Variants in HCN1 observed in about 807,000 individuals in gnomAD.
The protein encoded by HCN1 is potassium/sodium hyperpolarization-activated cyclic nucleotide-gated channel 1.
HCN1 carries 13 observed loss-of-function variants against 78.9 expected under a neutral mutation model. The ratio of observed to expected loss-of-function variants is 0.16; its 90% CI spans 0.11 to 0.26. HCN1 has a LOEUF of 0.26. Ranked by LOEUF, HCN1 falls within the 10% of genes least tolerant of loss-of-function variation. HCN1 has a pLI of 1.00. For missense variants in HCN1, 810 were observed against 1,154.3 expected (o/e 0.70, Z 4.32); for synonymous variants, 552 against 455.5 (o/e 1.21, Z -2.70).
chr5:45,672,094 C>T (rs1350336086), intron 1 of HCN1, among the ~76,000 whole-genome samples: 1 of 151,506 alleles, frequency 6.6e-6, no homozygotes, highest in Non-Finnish European at 1.5e-5. Flanking sequence ...AATTATTCAA[C>T]ACTGCACCTA....
intron 1 of HCN1, among the ~76,000 whole-genome samples, chr5:45,683,027 C>T (rs1739734648): frequency 6.6e-6 from 1 of 151,946 alleles, no homozygotes; most frequent in African/African-American, 2.4e-5. Context: ...TCTTTAGTGT[C>T]ATATGGTGGC....
At chr5:45,314,226 G>T (rs1023605031) in intron 5 of HCN1, among the ~76,000 whole-genome samples, 3 of 152,246 alleles carry the variant, frequency 2.0e-5, no homozygotes, top group East Asian at 1.9e-4. Flanking sequence ...CTTAAAGAAA[G>T]AATTTTCAAC....
intron 2 of HCN1, among the ~76,000 whole-genome samples, chr5:45,487,414 A>T (rs1421413517): frequency 6.6e-6 from 1 of 152,056 alleles, no homozygotes; most frequent in African/African-American, 2.4e-5. Context: ...TTGTACATTT[A>T]AAAGGTTAGT....
chr5:45,645,029 C>T (rs1280512837), intron 2 of HCN1, 156 bp downstream of exon 2: 1 of 601,994 alleles, frequency 1.7e-6, no homozygotes, highest in African/African-American at 1.9e-5. Flanking sequence ...TTTAGGGATA[C>T]AAATATATCA....
chr5:45,406,083 A>G (rs934959325), intron 3 of HCN1, among the ~76,000 whole-genome samples: 1 of 152,108 alleles, frequency 6.6e-6, no homozygotes, highest in African/African-American at 2.4e-5. Flanking sequence ...TCAATGCATT[A>G]TTTTAAATTT....
At chr5:45,612,447 C>A (rs1211726326) in intron 2 of HCN1, among the ~76,000 whole-genome samples, 7 of 152,074 alleles carry the variant, frequency 4.6e-5, no homozygotes, top group Non-Finnish European at 1.0e-4. Flanking sequence ...ATAATGACAG[C>A]CAACACATAC....
intron 5 of HCN1, among the ~76,000 whole-genome samples, chr5:45,351,464 G>C (rs1746901673): frequency 9.1e-6 from 1 of 109,700 alleles, no homozygotes; most frequent in Non-Finnish European, 1.7e-5. Flanking sequence ...ACATAGGCGT[G>C]GGCAAGGACT....
chr5:45,267,508 G>A (rs969219155), intron 6 of HCN1, among the ~76,000 whole-genome samples: 22 of 150,902 alleles, frequency 1.5e-4, no homozygotes, highest in Non-Finnish European at 5.9e-5. Flanking sequence ...AGTGGCTCAC[G>A]CCTGTAATCC....
intron 2 of HCN1, among the ~76,000 whole-genome samples, chr5:45,560,959 A>G (rs1243137876): frequency 6.6e-6 from 1 of 152,146 alleles, no homozygotes; most frequent in Non-Finnish European, 1.5e-5. Context: ...CTGCTAAACT[A>G]ATATCAAATT....
At chr5:45,691,967 G>T (rs943409533) in intron 1 of HCN1, among the ~76,000 whole-genome samples, 6 of 152,040 alleles carry the variant, frequency 3.9e-5, no homozygotes, top group Non-Finnish European at 7.4e-5. Context: ...ATGATGAAAA[G>T]AAATTGAAAA....
chr5:45,291,524 A>G (rs1471096674), intron 6 of HCN1, among the ~76,000 whole-genome samples: 3 of 151,996 alleles, frequency 2.0e-5, no homozygotes, highest in Admixed American at 2.0e-4. Context: ...AGATTGTTAC[A>G]TGACTAGCTT....
chr5:45,667,713 CAACT>C (rs1330540916), intron 1 of HCN1, among the ~76,000 whole-genome samples: 2 of 151,966 alleles, frequency 1.3e-5, no homozygotes, highest in African/African-American at 2.4e-5. Flanking sequence ...CGAATAAACA[CAACT>C]AACATTAGTA....
chr5:45,352,022 A>G lies in HCN1; in HGVS notation c.1377+1078T>C, dbSNP rs182280931. 6.0e-3 allele frequency among the ~76,000 whole-genome samples: 907 copies of G among 152,314 alleles called. 1 individual carries two copies. Among genetic ancestry groups the G allele is most frequent in the Non-Finnish European group, 9.9e-3 (676 of 68,038 alleles). On this transcript the variant is annotated intron_variant, in intron 5 of 7. Transcript: ENST00000303230. ...TACCATTTGACCCAGCCATCCCATT[A>G]CTGGGTAATACCCAAAGGACTATAA...
At chr5:45,637,063 AATC>A (rs1745371075) in intron 2 of HCN1, among the ~76,000 whole-genome samples, 2 of 152,172 alleles carry the variant, frequency 1.3e-5, no homozygotes, top group African/African-American at 4.8e-5. Context: ...TTGGACAGAA[AATC>A]ATCAATATCC....
chr5:45,573,091 CTTGTT>C (rs1743866427), intron 2 of HCN1, among the ~76,000 whole-genome samples: 2 of 152,048 alleles, frequency 1.3e-5, no homozygotes. Flanking sequence ...TAGAAACTTA[CTTGTT>C]TTAAGAAATT....
chr5:45,571,082 G>A (rs1185166659), intron 2 of HCN1, among the ~76,000 whole-genome samples: 1 of 151,988 alleles, frequency 6.6e-6, no homozygotes, highest in Non-Finnish European at 1.5e-5. Context: ...TGTCTACATT[G>A]GTTTAATTAA....
chr5:45,371,720 T>C (rs1747365129), intron 4 of HCN1, among the ~76,000 whole-genome samples: 1 of 146,922 alleles, frequency 6.8e-6, no homozygotes, highest in South Asian at 2.1e-4. Context: ...TAGCACCATT[T>C]CACTCCAGCC....
chr5:45,331,376 C>T (rs1746341112), intron 5 of HCN1, among the ~76,000 whole-genome samples: 1 of 151,194 alleles, frequency 6.6e-6, no homozygotes, highest in African/African-American at 2.4e-5. Flanking sequence ...ATAAAATACA[C>T]TTATTTTCCC....
intron 2 of HCN1, among the ~76,000 whole-genome samples, chr5:45,599,120 T>G (rs1456982833): frequency 6.6e-6 from 1 of 152,142 alleles, no homozygotes; most frequent in East Asian, 1.9e-4. Context: ...GTATGTTTAT[T>G]GCGGGACTAT....
Sources: allele counts gnomAD v4.1 joint callset (sites outside exome capture counted in the v4.1 genomes callset), GRCh38; gene constraint gnomAD v4.1.1; transcripts MANE v1.5; gene names NCBI Gene and HGNC (gene_info 2026-07-23, HGNC 2026-07-21).